Variants in SRBD1 observed in about 807,000 individuals in gnomAD.
The protein encoded by SRBD1 is S1 RNA-binding domain-containing protein 1.
A neutral mutation model predicts 115.3 loss-of-function variants in SRBD1; 88 were observed. That is an observed-to-expected ratio of 0.76 (90% CI 0.64 to 0.91). SRBD1 has a LOEUF of 0.91. SRBD1 is among the 40% of genes least tolerant of loss of function. The probability of loss-of-function intolerance (pLI) is 0.00; values close to 1 mark genes in which losing one functional copy is unlikely to be tolerated. For missense variants in SRBD1, 1,385 were observed against 1,177.4 expected (o/e 1.18, Z -2.58); for synonymous variants, 509 against 407.7 (o/e 1.25, Z -2.99).
chr2:45,472,295 G>T (rs1669672677), intron 16 of SRBD1, among the ~76,000 whole-genome samples: 1 of 152,190 alleles, frequency 6.6e-6, no homozygotes. Context: ...ATAGATTAGT[G>T]TTGTCTGGGG....
At position 45,595,440 on chromosome 2, in the gene SRBD1, T is replaced by TC. The variant is rs1489293125; in HGVS notation, c.648+4008dup. 1.3e-5 allele frequency among the ~76,000 whole-genome samples: 2 copies of TC among 152,214 alleles called. 1 individual carries two copies. Among genetic ancestry groups the TC allele is most frequent in the Admixed American group, 1.3e-4 (2 of 15,286 alleles). The stretch of plus-strand genomic sequence containing the variant: ...GCTAACTAGATAACTATTCAGGATT[T>TC]CCCCCAAAGAATTTGGACATACATT... On this transcript the variant is annotated intron_variant, in intron 4 of 20. Transcript: ENST00000263736.
At chr2:45,405,826 G>A (rs1667421364) in intron 19 of SRBD1, among the ~76,000 whole-genome samples, 1 of 152,090 alleles carries the variant, frequency 6.6e-6, no homozygotes, top group African/African-American at 2.4e-5. Context: ...AATTGTAAAG[G>A]ACTGGGAGAA....
chr2:45,536,396 C>A, intron 14 of SRBD1, among the ~76,000 whole-genome samples: 1 of 151,894 alleles, frequency 6.6e-6, no homozygotes, highest in East Asian at 1.9e-4. Context: ...AGGTAGAAGA[C>A]TTGTTCTAGC....
chr2:45,419,485 G>T (rs556179169), intron 17 of SRBD1, among the ~76,000 whole-genome samples: 1 of 152,174 alleles, frequency 6.6e-6, no homozygotes, highest in Non-Finnish European at 1.5e-5. Flanking sequence ...CTACTCTCAC[G>T]TGGTGGGAAA....
At chr2:45,393,819 A>C (rs939946898) in intron 19 of SRBD1, among the ~76,000 whole-genome samples, 3 of 152,258 alleles carry the variant, frequency 2.0e-5, no homozygotes, top group African/African-American at 7.2e-5. Flanking sequence ...AAATGATACC[A>C]AACTCTAACA....
chr2:45,501,474 G>A (rs1670628444), intron 14 of SRBD1, among the ~76,000 whole-genome samples: 1 of 152,262 alleles, frequency 6.6e-6, no homozygotes, highest in Admixed American at 6.5e-5. Context: ...CCAAGCGTGA[G>A]GTGAAGCAGG....
At chr2:45,513,353 T>C (rs1014747541) in intron 14 of SRBD1, among the ~76,000 whole-genome samples, 5 of 151,896 alleles carry the variant, frequency 3.3e-5, no homozygotes, top group Admixed American at 6.6e-5. Context: ...TGTAGTCTAG[T>C]AGTCTAGTTA....
intron 9 of SRBD1, among the ~76,000 whole-genome samples, 200 bp from the exon 10 acceptor site, chr2:45,562,956 AATGCAG>A (rs1473462622): frequency 2.6e-5 from 4 of 152,230 alleles, no homozygotes; most frequent in Admixed American, 2.6e-4. Flanking sequence ...TAGAAAATAA[AATGCAG>A]ATACAAAGCC....
At chr2:45,568,109 C>G (rs1254246198) in intron 9 of SRBD1, 1 of 152,010 alleles carries the variant, frequency 6.6e-6, no homozygotes, top group Non-Finnish European at 1.5e-5. Context: ...AATTGCACGT[C>G]AGTAAAAAGA....
intron 16 of SRBD1, among the ~76,000 whole-genome samples, chr2:45,422,573 T>C (rs568139100): frequency 2.0e-5 from 3 of 152,328 alleles, no homozygotes; most frequent in South Asian, 2.1e-4. Flanking sequence ...ATGCAGCCAA[T>C]TGAGACTATC....
chr2:45,525,095 A>T (rs1008618257), intron 14 of SRBD1, among the ~76,000 whole-genome samples: 3 of 151,952 alleles, frequency 2.0e-5, no homozygotes, highest in Non-Finnish European at 4.4e-5. Context: ...AGGCAAAAAA[A>T]ATGAATTTGA....
intron 19 of SRBD1, among the ~76,000 whole-genome samples, chr2:45,393,987 T>C (rs1375027438): frequency 6.6e-6 from 1 of 152,170 alleles, no homozygotes; most frequent in Non-Finnish European, 1.5e-5. Context: ...TTGAGCCTCA[T>C]ATAAACTAAA....
intron 19 of SRBD1, among the ~76,000 whole-genome samples, chr2:45,409,255 A>G (rs114663394): frequency 0.013 from 1,988 of 151,814 alleles, 31 homozygotes; most frequent in African/African-American, 0.032. Context: ...CCTCCCCCCA[A>G]AAAAAGATAG....
intron 14 of SRBD1, among the ~76,000 whole-genome samples, chr2:45,491,608 A>C (rs1192363613): frequency 6.6e-6 from 1 of 152,206 alleles, no homozygotes; most frequent in African/African-American, 2.4e-5. Flanking sequence ...TTGAATTTAC[A>C]TTTTACCAGA....
chr2:45,526,094 C>T (rs1251586898), intron 14 of SRBD1, among the ~76,000 whole-genome samples: 1 of 151,988 alleles, frequency 6.6e-6, no homozygotes, highest in Non-Finnish European at 1.5e-5. Context: ...AATACTTCTA[C>T]TTTTAGGTGT....
At chr2:45,421,539 A>AAAAAAAG (rs1668006504) in intron 16 of SRBD1, among the ~76,000 whole-genome samples, 1 of 148,294 alleles carries the variant, frequency 6.7e-6, no homozygotes, top group Non-Finnish European at 1.5e-5. Context: ...AAAAAAAAAA[A>AAAAAAAG]AAAAAAGTCA....
At chr2:45,422,226 G>A (rs978613191) in intron 16 of SRBD1, among the ~76,000 whole-genome samples, 5 of 152,202 alleles carry the variant, frequency 3.3e-5, no homozygotes, top group Non-Finnish European at 1.5e-5. Context: ...ACAGCTAAAT[G>A]AGTAAGCGAC....
In SRBD1 at chr2:45,418,402, T is replaced by C; in HGVS notation, c.2296A>G (p.Ile766Val). Residue 766 changes from isoleucine (I) to valine (V), a missense_variant, in exon 18 of 21, where the codon ATC becomes GTC. Transcript: ENST00000263736. Reference sequence around the variant, plus strand: ...CGGATATAATCCTGGTTGATTCTGATGAAGCCAGCACACTGTTGGAAGGAT... The same window carrying C: ...CGGATATAATCCTGGTTGATTCTGACGAAGCCAGCACACTGTTGGAAGGAT... ...PKSFQQCAGF[I>V]RINQDYIRTF... 6.2e-7 allele frequency: 1 copy of C among 1,614,086 alleles called. No individual in the cohort carries two copies. The highest frequency in any genetic ancestry group is 8.5e-7 in the Non-Finnish European group (1 of 1,179,970).
Position 45,524,124 on chromosome 2 carries a change from C to A in SRBD1, c.1874+22608G>T, listed in dbSNP as rs564419447. On this transcript the variant is annotated intron_variant, in intron 14 of 20. Transcript: ENST00000263736. ...AGTATCTTTTCATGATAGAAATACTCAACAAACTAGAATTAGAAGGGAAAT... is the reference window on the plus strand; with the variant it reads ...AGTATCTTTTCATGATAGAAATACTAAACAAACTAGAATTAGAAGGGAAAT... 4.6e-5 allele frequency among the ~76,000 whole-genome samples: 7 copies of A among 151,958 alleles called. No homozygotes were observed. In the East Asian group the frequency reaches 9.6e-4, roughly 21 times the overall value.
Sources: gnomAD v4.1 joint callset for allele counts (sites outside exome capture counted in the v4.1 genomes callset) on GRCh38, gnomAD v4.1.1 for gene constraint, MANE v1.5 for transcripts, NCBI Gene and HGNC (gene_info 2026-07-23, HGNC 2026-07-21) for gene names.